The following RTP2 variants were observed in gnomAD, a reference collection of about 807,000 sequenced individuals.
RTP2 encodes the protein receptor-transporting protein 2.
Under a neutral mutation model 17.9 loss-of-function variants are expected in RTP2, and 12 were observed. The ratio of observed to expected loss-of-function variants is 0.67; its 90% CI spans 0.43 to 1.09. The LOEUF is 1.09. Ranked by LOEUF, RTP2 falls within the 50% of genes least tolerant of loss-of-function variation. The probability of loss-of-function intolerance (pLI) is 0.00; values close to 1 mark genes in which losing one functional copy is unlikely to be tolerated. For synonymous variants in RTP2, 126 were observed against 117.7 expected (o/e 1.07, Z -0.46); for missense variants, 327 against 295.7 (o/e 1.11, Z -0.78).
At chr3:187,715,451 A>G in the RTP2 span, among the ~76,000 whole-genome samples, 64 of 152,002 alleles carry the variant, frequency 4.2e-4, no homozygotes, top group African/African-American at 1.4e-3. Flanking sequence ...ACATGAATGT[A>G]TATGAAGAAG....
At chr3:187,699,608 C>A (rs1313701640) in intron 1 of RTP2, among the ~76,000 whole-genome samples, 1 of 151,948 alleles carries the variant, frequency 6.6e-6, no homozygotes, top group East Asian at 1.9e-4. Context: ...GAGGAACTAC[C>A]AAGTTTAGTT....
At chr3:187,705,795 T>A (rs1228080989), upstream of RTP2, among the ~76,000 whole-genome samples, 1 of 152,160 alleles carries the variant, frequency 6.6e-6, no homozygotes, top group African/African-American at 2.4e-5. Flanking sequence ...TGTACTTCAA[T>A]TTACATGGGA....
At chr3:187,701,010 T>A (rs1023380509) in intron 1 of RTP2, among the ~76,000 whole-genome samples, 1 of 152,182 alleles carries the variant, frequency 6.6e-6, no homozygotes. Context: ...TTCTGCACCA[T>A]GAGAAGCTTC....
At chr3:187,706,020 A>T (rs900944162), upstream of RTP2, among the ~76,000 whole-genome samples, 1 of 152,228 alleles carries the variant, frequency 6.6e-6, no homozygotes, top group African/African-American at 2.4e-5. Context: ...GAACCAGAAG[A>T]TACACAGTCA....
the RTP2 span, among the ~76,000 whole-genome samples, chr3:187,715,236 T>C: frequency 2.6e-5 from 4 of 152,218 alleles, no homozygotes; most frequent in African/African-American, 9.6e-5. Context: ...CAACCCTCCC[T>C]GCAAGCCAAG....
At chr3:187,715,591 A>G in the RTP2 span, 1 of 454,848 alleles carries the variant, frequency 2.2e-6, no homozygotes, top group Non-Finnish European at 4.4e-6. Flanking sequence ...TCTTTGCTTA[A>G]TGTCACTTGG....
the RTP2 span, among the ~76,000 whole-genome samples, chr3:187,714,960 G>T: frequency 7.0e-6 from 1 of 143,248 alleles, no homozygotes; most frequent in Non-Finnish European, 1.5e-5. Flanking sequence ...GCCTCTGTAC[G>T]TTAGGAAAAA....
At chr3:187,699,342 C>A (rs76561662) in intron 1 of RTP2, among the ~76,000 whole-genome samples, 6 of 152,188 alleles carry the variant, frequency 3.9e-5, no homozygotes, top group Admixed American at 1.3e-4. Context: ...TCATCCCCCC[C>A]TCTCTGGGCT....
upstream of RTP2, among the ~76,000 whole-genome samples, chr3:187,702,943 T>A (rs1403949044): frequency 1.3e-5 from 2 of 152,088 alleles, no homozygotes; most frequent in East Asian, 3.8e-4. Flanking sequence ...TTAGAGCCCA[T>A]ATTCAGTTCC....
intron 1 of RTP2, among the ~76,000 whole-genome samples, chr3:187,700,757 G>A (rs1001389986): frequency 6.6e-6 from 1 of 152,194 alleles, no homozygotes; most frequent in Non-Finnish European, 1.5e-5. Context: ...CAGAAGCCCA[G>A]ATAGTAAGAG....
At chr3:187,710,475 T>C in the RTP2 span, among the ~76,000 whole-genome samples, 3 of 149,998 alleles carry the variant, frequency 2.0e-5, no homozygotes, top group East Asian at 5.8e-4. Context: ...TCTGTTTCTC[T>C]GAAGAACCTG....
exon 2 of RTP2, chr3:187,698,281 C>A (rs1717737141): frequency 1.8e-6 from 1 of 545,036 alleles, no homozygotes; most frequent in South Asian, 2.8e-5. Flanking sequence ...ACCTTTATTA[C>A]ACCCTTTTCC....
chr3:187,698,437 C>T, exon 2 of RTP2: 1 of 1,446,698 alleles, frequency 6.9e-7, no homozygotes, highest in Non-Finnish European at 9.4e-7. Flanking sequence ...AGGATCAAGT[C>T]CAGACTGTGT....
the RTP2 span, among the ~76,000 whole-genome samples, chr3:187,707,948 T>C: frequency 6.6e-6 from 1 of 152,200 alleles, no homozygotes; most frequent in Non-Finnish European, 1.5e-5. Flanking sequence ...CCATTGAGTA[T>C]TCTTTTGTAC....
chr3:187,703,605 G>C (rs1717911926), upstream of RTP2, among the ~76,000 whole-genome samples: 1 of 152,138 alleles, frequency 6.6e-6, no homozygotes, highest in Non-Finnish European at 1.5e-5. Context: ...TACTGGCCCA[G>C]GCTCTCAGGA....
chr3:187,701,304 C>T lies in RTP2; in HGVS notation c.164+661G>A, dbSNP rs144503643. 4.1e-3 allele frequency among the ~76,000 whole-genome samples: 629 copies of T among 152,230 alleles called. 5 individuals carry two copies. The highest frequency in any genetic ancestry group is 0.013 in the African/African-American group (557 of 41,536). On this transcript the variant is annotated intron_variant, in intron 1 of 1. Coordinates refer to ENST00000358241, the Ensembl canonical transcript of RTP2. ...GTGCAGCTCCTATAAAGAGTGGGAC[C>T]CTGGGCTCTAAGTTCCTAAAGAAAG...
chr3:187,700,812 C>T (rs1267877554), intron 1 of RTP2, among the ~76,000 whole-genome samples: 1 of 152,170 alleles, frequency 6.6e-6, no homozygotes, highest in African/African-American at 2.4e-5. Flanking sequence ...AGCCAGTGCT[C>T]AGCACATAAC....
chr3:187,702,093 T>C, exon 1 of RTP2: 2 of 1,612,984 alleles, frequency 1.2e-6, no homozygotes, highest in Non-Finnish European at 1.7e-6. Context: ...CATAGAAGAC[T>C]TTCTTCCACT....
At chr3:187,712,138 T>C in the RTP2 span, among the ~76,000 whole-genome samples, 1 of 152,100 alleles carries the variant, frequency 6.6e-6, no homozygotes, top group African/African-American at 2.4e-5. Context: ...CACATACACA[T>C]ACACACGAGT....
Sources: gnomAD v4.1 joint callset for allele counts (sites outside exome capture counted in the v4.1 genomes callset) on GRCh38, gnomAD v4.1.1 for gene constraint, MANE v1.5 for transcripts, NCBI Gene and HGNC (gene_info 2026-07-23, HGNC 2026-07-21) for gene names.